Variants in ABCF1 observed in about 807,000 individuals in gnomAD.
ABCF1 encodes ATP-binding cassette sub-family F member 1.
A neutral mutation model predicts 126.3 loss-of-function variants in ABCF1; 73 were observed. That is an observed-to-expected ratio of 0.58 (90% CI 0.48 to 0.70). The LOEUF is 0.70. Ranked by LOEUF, ABCF1 falls within the 30% of genes least tolerant of loss-of-function variation. ABCF1 has a pLI of 0.00. For missense variants in ABCF1, 786 were observed against 1,057.5 expected, an observed-to-expected ratio of 0.74 and a Z score of 3.56; for synonymous variants, 345 against 396.4, an observed-to-expected ratio of 0.87 and a Z score of 1.54.
chr6:30,588,663 C>G (rs895270480), intron 20 of ABCF1, among the ~76,000 whole-genome samples: 3 of 151,886 alleles, frequency 2.0e-5, no homozygotes, highest in African/African-American at 7.3e-5. Context: ...CCGGCAAACT[C>G]TACCATTTTA....
At chr6:30,577,694 AAG>A (rs960148074) in intron 2 of ABCF1, 122 bp from the exon 3 acceptor site, 19 of 1,052,742 alleles carry the variant, frequency 1.8e-5, no homozygotes, top group East Asian at 2.4e-5. Flanking sequence ...AAAGAAAAAA[AAG>A]AGAGAGACAG....
intron 7 of ABCF1, 34 bp downstream of exon 7, chr6:30,580,039 G>T: frequency 6.2e-7 from 1 of 1,603,408 alleles, no homozygotes; most frequent in Non-Finnish European, 8.5e-7. Flanking sequence ...AGGTATTGGG[G>T]CCCAGGAATT....
rs750875613 is a variant in ABCF1, at chr6:30,586,569, C to T, written c.1960+21C>T. The T allele has an allele frequency of 3.1e-6, 5 of 1,613,244 alleles. No homozygotes were observed. The highest frequency in any genetic ancestry group is 4.5e-5 in the East Asian group (2 of 44,880). On this transcript the variant is annotated intron_variant, in intron 19 of 24. Transcript: ENST00000326195. This position sits in a 1 kb window ranked among gnomAD's most constrained non-coding sequence, Gnocchi z 4.9. ...AAGGAGTGAGTTGGCGGGGTTGCCT[C>T]AGGGATGTGTAGCAGGAGCCACAGG...
Position 30,584,003 on chromosome 6 carries a change from A to T in ABCF1, c.1102+113A>T. 1 of 1,426,708 alleles carries T rather than the reference A, an allele frequency of 7.0e-7. No homozygotes were observed. Among genetic ancestry groups the T allele is most frequent in the South Asian group, 1.2e-5 (1 of 82,848 alleles). 88.4% of individuals were successfully genotyped at this position (1,426,708 alleles called of 1,614,324 possible). ...ATGGAGTTGGAAGGGATGTGGAGGG[A>T]GACTGGAGACCGGGAAAGGGATGCT... On this transcript the variant is annotated intron_variant, in intron 12 of 24. Transcript: ENST00000326195. The surrounding 1 kb of genome is among the most constrained non-coding windows in gnomAD (Gnocchi z 4.6).
Position 30,584,195 on chromosome 6 carries a change from T to A in ABCF1, c.1106T>A (p.Val369Glu), listed in dbSNP as rs1801984148. ...CTGTTCTCCCTCTGCCTCCCAGAGGTGGTAGCAGATGAGACACCAGCAGTC... is the reference window on the plus strand; with the variant it reads ...CTGTTCTCCCTCTGCCTCCCAGAGGAGGTAGCAGATGAGACACCAGCAGTC... ...NIDVLLCEQE[V>E]VADETPAVQA... Residue 369 changes from valine to glutamate, a missense_variant, in exon 13 of 25, where the codon GTG (valine) becomes GAG (glutamate). This residue lies in a region of ABCF1 where 163 missense variants were observed against 255.3 expected (regional missense o/e 0.64). Transcript: ENST00000326195. This position sits in a 1 kb window ranked among gnomAD's most constrained non-coding sequence, Gnocchi z 4.6. 2 of 1,610,742 alleles carry A rather than the reference T, an allele frequency of 1.2e-6. No homozygotes were observed. Among genetic ancestry groups the A allele is most frequent in the Non-Finnish European group, 1.7e-6 (2 of 1,179,114 alleles).
chr6:30,584,654 T>TAGGG lies in ABCF1; in HGVS notation c.1391+92_1391+95dup. 6.7e-7 allele frequency: 1 copy of TAGGG among 1,482,142 alleles called. No homozygotes were observed. The highest frequency in any genetic ancestry group is 9.0e-7 in the Non-Finnish European group (1 of 1,113,714). 91.8% of individuals were successfully genotyped at this position (1,482,142 alleles called of 1,614,324 possible). On this transcript the variant is annotated intron_variant, in intron 14 of 24. Transcript: ENST00000326195. The surrounding 1 kb of genome is among the most constrained non-coding windows in gnomAD (Gnocchi z 4.6). ...TCCCTTCTCATTCTTCCAAGGCCAATAGGGAGGCTCAAGGCTTACCTCTCC... is the reference window on the plus strand; with the variant it reads ...TCCCTTCTCATTCTTCCAAGGCCAATAGGGAGGGAGGCTCAAGGCTTACCTCTCC...
chr6:30,575,293 C>T (rs1053132479), intron 1 of ABCF1, among the ~76,000 whole-genome samples: 15 of 152,064 alleles, frequency 9.9e-5, no homozygotes, highest in Admixed American at 9.2e-4. Context: ...TGGTCTCAAT[C>T]TCCTGACCTT....
At chr6:30,577,272 GTA>G in intron 1 of ABCF1, 135 bp from the exon 2 acceptor site, 1 of 756,504 alleles carries the variant, frequency 1.3e-6, no homozygotes, top group Non-Finnish European at 2.1e-6. Flanking sequence ...TTGTGAGACA[GTA>G]CAAATATTTA....
chr6:30,589,846 G>T lies in ABCF1; in HGVS notation c.2105G>T (p.Arg702Leu), dbSNP rs1458394595. 1 of 1,614,158 alleles carries T rather than the reference G, an allele frequency of 6.2e-7. No individual in the cohort carries two copies. Among genetic ancestry groups the T allele is most frequent in the Non-Finnish European group, 8.5e-7 (1 of 1,180,028 alleles). Residue 702 changes from arginine to leucine, a missense_variant, in exon 22 of 25, where the codon CGC (arginine) becomes CTC (leucine). Around this residue, in one of 4 missense-constraint regions of ABCF1, gnomAD observed 288 missense variants for 423.5 expected, o/e 0.68. Coordinates refer to ENST00000326195, the MANE Select transcript of ABCF1 (RefSeq NM_001025091.2). Reference sequence around the variant, plus strand: ...AACCAGCAGTATGCAGAGCAGCTGCGCATGGAGGAGACGCCCACTGAGTAC... The same window carrying T: ...AACCAGCAGTATGCAGAGCAGCTGCTCATGGAGGAGACGCCCACTGAGTAC... ...FFNQQYAEQL[R>L]MEETPTEYLQ...
At chr6:30,572,299 G>T (rs1182506203) in intron 1 of ABCF1, among the ~76,000 whole-genome samples, 2 of 152,182 alleles carry the variant, frequency 1.3e-5, no homozygotes, top group Non-Finnish European at 2.9e-5. Context: ...CTGTGTGGAG[G>T]AAGTGGGAAT....
At chr6:30,582,259 T>C in intron 8 of ABCF1, 135 bp from the exon 9 acceptor site, 1 of 599,770 alleles carries the variant, frequency 1.7e-6, no homozygotes, top group Non-Finnish European at 3.0e-6. Context: ...GGTTTCACCA[T>C]GTTAGCCAGG....
chr6:30,586,357 G>T lies in ABCF1; in HGVS notation c.1885+52G>T, dbSNP rs1802133169. 6.2e-7 allele frequency: 1 copy of T among 1,602,060 alleles called. No individual in the cohort carries two copies. The highest frequency in any genetic ancestry group is 8.5e-7 in the Non-Finnish European group (1 of 1,173,190). Reference sequence around the variant, plus strand: ...CACAGGAAGCACCGGAAGCATGTATGTGCACCCTAAATTCTCCACCAAGGC... The same window carrying T: ...CACAGGAAGCACCGGAAGCATGTATTTGCACCCTAAATTCTCCACCAAGGC... On this transcript the variant is annotated intron_variant, in intron 18 of 24. Transcript: ENST00000326195. This position sits in a 1 kb window ranked among gnomAD's most constrained non-coding sequence, Gnocchi z 4.9.
Position 30,585,547 on chromosome 6 carries a change from C to T in ABCF1, c.1476-11C>T, listed in dbSNP as rs1469472409. On this transcript the variant is annotated splice_polypyrimidine_tract_variant and intron_variant, in intron 15 of 24. Coordinates refer to ENST00000326195, the MANE Select transcript of ABCF1 (RefSeq NM_001025091.2). ...CACTGTGACACTTACACCCTGTTCTCTGAAACCCAGCTACCTCCAGGGCTG... is the reference window on the plus strand; with the variant it reads ...CACTGTGACACTTACACCCTGTTCTTTGAAACCCAGCTACCTCCAGGGCTG... The T allele has an allele frequency of 1.2e-6, 2 of 1,612,962 alleles. No individual in the cohort carries two copies. The highest frequency in any genetic ancestry group is 2.2e-5 in the South Asian group (2 of 91,064).
Position 30,582,407 on chromosome 6 carries a change from A to T in ABCF1, c.692A>T (p.Glu231Val). 1.9e-6 allele frequency: 3 copies of T among 1,604,058 alleles called. No homozygotes were observed. The highest frequency in any genetic ancestry group is 2.6e-6 in the Non-Finnish European group (3 of 1,172,364). The change falls in exon 9 of 25, where the codon GAA (glutamate) becomes GTA (valine). Residue 231 changes from glutamate to valine, a missense_variant. Physicochemically the swap from Glu to Val is moderately radical, Grantham distance 121. Around this residue, in one of 4 missense-constraint regions of ABCF1, gnomAD observed 322 missense variants for 322.9 expected, o/e 1.00. Coordinates refer to ENST00000326195, the MANE Select transcript of ABCF1 (RefSeq NM_001025091.2). The stretch of plus-strand genomic sequence containing the variant: ...GGGTTCTCACAGGGTTCAGAGGAAG[A>T]AGGAGAAGGGGAAGAAGAGGAGGAG... The part of the protein sequence containing the change: ...AKKAEQGSEE[E>V]GEGEEEEEEG...
At chr6:30,578,776 C>T (rs1478956902) in intron 6 of ABCF1, among the ~76,000 whole-genome samples, 199 bp downstream of exon 6, 2 of 151,978 alleles carry the variant, frequency 1.3e-5, no homozygotes, top group Non-Finnish European at 2.9e-5. Context: ...CCGAGGTGGG[C>T]GAATCACGAG....
intron 6 of ABCF1, 85 bp from the exon 7 acceptor site, chr6:30,579,846 A>G: frequency 7.4e-7 from 1 of 1,351,700 alleles, no homozygotes. Flanking sequence ...TTAACACAGT[A>G]GACTCTCTAG....
intron 1 of ABCF1, 64 bp downstream of exon 1, chr6:30,571,624 T>C (rs1210873433): frequency 6.5e-7 from 1 of 1,534,850 alleles, no homozygotes; most frequent in Non-Finnish European, 8.9e-7. Context: ...GCGCGTGTTT[T>C]AAGAGAGGGT....
chr6:30,582,207 C>A (rs928096088), intron 8 of ABCF1, among the ~76,000 whole-genome samples, 187 bp from the exon 9 acceptor site: 2 of 152,110 alleles, frequency 1.3e-5, no homozygotes, highest in African/African-American at 4.8e-5. Context: ...CAGGCGCCCG[C>A]CACCACGTCC....
intron 9 of ABCF1, 126 bp downstream of exon 9, chr6:30,582,633 A>C: frequency 1.0e-6 from 1 of 989,170 alleles, no homozygotes; most frequent in African/African-American, 1.6e-5. Context: ...GGAGTAAGAA[A>C]ATAATTGTGT....
Sources: gnomAD v4.1 joint callset for allele counts (sites outside exome capture counted in the v4.1 genomes callset) on GRCh38, gnomAD v4.1.1 for gene constraint, gnomAD v4.1.1 regional missense constraint, Gnocchi (gnomAD v3.1) non-coding constraint, MANE v1.5 for transcripts, NCBI Gene and HGNC (gene_info 2026-07-23, HGNC 2026-07-21) for gene names.